The following RSRC1 variants were observed in gnomAD, a reference collection of about 807,000 sequenced individuals.
RSRC1 encodes serine/Arginine-related protein 53.
In RSRC1, 39 loss-of-function variants were observed where a neutral mutation model predicts 49.1. The ratio of observed to expected loss-of-function variants is 0.79; its 90% confidence interval spans 0.61 to 1.04. RSRC1 has a LOEUF of 1.04. Among genes scored for constraint, RSRC1 ranks in the 50% least tolerant of loss-of-function variants. RSRC1 has a pLI of 0.00. For synonymous variants in RSRC1, 143 were observed against 130.8 expected, an observed-to-expected ratio of 1.09 and a Z score of -0.63; for missense variants, 388 against 402.4, an observed-to-expected ratio of 0.96 and a Z score of 0.31.
intron 5 of RSRC1, among the ~76,000 whole-genome samples, chr3:158,324,859 G>C (rs1034110739): frequency 6.6e-6 from 1 of 152,160 alleles, no homozygotes. Flanking sequence ...CAGTGTAAAA[G>C]TGTTCCTATT....
At chr3:158,343,115 G>A (rs1323672546) in intron 5 of RSRC1, among the ~76,000 whole-genome samples, 1 of 152,178 alleles carries the variant, frequency 6.6e-6, no homozygotes. Context: ...TGAAGCTTGG[G>A]AAATAGCCAC....
intron 4 of RSRC1, among the ~76,000 whole-genome samples, chr3:158,239,113 C>T (rs997206460): frequency 6.6e-6 from 1 of 152,104 alleles, no homozygotes; most frequent in African/African-American, 2.4e-5. Flanking sequence ...TGAAAAAATG[C>T]TCATCATCAC....
intron 6 of RSRC1, among the ~76,000 whole-genome samples, chr3:158,434,879 TC>T (rs1398058412): frequency 6.6e-6 from 1 of 151,918 alleles, no homozygotes; most frequent in Non-Finnish European, 1.5e-5. Context: ...ATTATGCTCT[TC>T]CAGTTGTAAA....
At chr3:158,374,659 T>G (rs1283250016) in intron 6 of RSRC1, among the ~76,000 whole-genome samples, 4 of 152,224 alleles carry the variant, frequency 2.6e-5, no homozygotes, top group African/African-American at 9.6e-5. Context: ...CATCAAATGC[T>G]ATCTGATTTA....
chr3:158,171,493 C>T (rs1559928184), intron 3 of RSRC1, among the ~76,000 whole-genome samples: 2 of 152,018 alleles, frequency 1.3e-5, no homozygotes, highest in African/African-American at 2.4e-5. Context: ...AAGGTAAGCC[C>T]TTCTGAAATG....
At chr3:158,306,170 A>T (rs1430248504) in intron 5 of RSRC1, among the ~76,000 whole-genome samples, 1 of 151,984 alleles carries the variant, frequency 6.6e-6, no homozygotes, top group African/African-American at 2.4e-5. Context: ...TGATGTGTAA[A>T]AAAAATGATT....
At chr3:158,117,353 G>A (rs1348212639) in intron 1 of RSRC1, among the ~76,000 whole-genome samples, 1 of 152,210 alleles carries the variant, frequency 6.6e-6, no homozygotes, top group East Asian at 1.9e-4. Context: ...CTAGAGTGCA[G>A]TAGGGTGATT....
At chr3:158,497,441 A>ATT (rs537452822) in intron 7 of RSRC1, among the ~76,000 whole-genome samples, 139 of 118,620 alleles carry the variant, frequency 1.2e-3, no homozygotes, top group African/African-American at 3.2e-3. Flanking sequence ...CCATTGTATC[A>ATT]TTTTTTTTTT....
At chr3:158,356,656 A>G (rs1411868339) in intron 6 of RSRC1, among the ~76,000 whole-genome samples, 1 of 152,228 alleles carries the variant, frequency 6.6e-6, no homozygotes, top group African/African-American at 2.4e-5. Flanking sequence ...ATTTGATTCT[A>G]TATCATTTAC....
In RSRC1 at chr3:158,294,714, AAAAT is replaced by A. The variant is rs374598330; in HGVS notation, c.495-3314_495-3311del. ...TCCCACACCCTCAAAAACAGTAAAA[AAAAT>A]AAATAAATAACCACCCACACCCTAC... is the stretch of plus-strand genomic sequence containing the variant. On this transcript the variant is annotated intron_variant, in intron 4 of 9. Transcript: ENST00000611884. 8.9e-4 allele frequency among the ~76,000 whole-genome samples: 136 copies of A among 152,238 alleles called. 2 individuals are homozygous for A. The East Asian group carries it at 0.019, about 21-fold the overall frequency.
rs1473495344 is a variant in RSRC1 at position 158,537,085 on chromosome 3, T to C, written c.653-7T>C. The stretch of plus-strand genomic sequence containing the variant: ...AAAATACGCTGACATTATACCCTCT[T>C]TTTCAGACCAAGCCACCCTGGTAGA... On this transcript the variant is annotated splice_polypyrimidine_tract_variant and splice_region_variant and intron_variant, in intron 7 of 9. Transcript: ENST00000611884. 6.2e-7 allele frequency: 1 copy of C among 1,602,910 alleles called. No homozygotes were observed.
intron 7 of RSRC1, among the ~76,000 whole-genome samples, chr3:158,470,842 C>T (rs1322164483): frequency 6.6e-6 from 1 of 152,148 alleles, no homozygotes; most frequent in Admixed American, 6.6e-5. Flanking sequence ...TATTCTCTGT[C>T]ATTCCCTATT....
Position 158,401,969 on chromosome 3 carries a change from C to G in RSRC1, c.583+47061C>G, listed in dbSNP as rs370210515. On this transcript the variant is annotated intron_variant, in intron 6 of 9. Coordinates refer to ENST00000611884, the MANE Select transcript of RSRC1 (RefSeq NM_001271838.2). ...TTCCCATTTGAAGACACTCAGTATA[C>G]TAAGTGTTATAGTACAATTTTATGC... 2.6e-5 allele frequency among the ~76,000 whole-genome samples: 4 copies of G among 151,888 alleles called. No homozygotes were observed. The South Asian group carries it at 8.3e-4, about 32-fold the overall frequency.
chr3:158,290,899 A>G (rs1578296841), intron 4 of RSRC1, among the ~76,000 whole-genome samples: 1 of 152,338 alleles, frequency 6.6e-6, no homozygotes, highest in African/African-American at 2.4e-5. Context: ...AATCTACTGT[A>G]CATTTTTATT....
At chr3:158,492,758 C>A (rs2108449173) in intron 7 of RSRC1, among the ~76,000 whole-genome samples, 1 of 152,312 alleles carries the variant, frequency 6.6e-6, no homozygotes, top group Non-Finnish European at 1.5e-5. Context: ...AAGGAATCGT[C>A]AAGATCATAA....
At chr3:158,508,741 C>T (rs994907317) in intron 7 of RSRC1, among the ~76,000 whole-genome samples, 30 of 152,198 alleles carry the variant, frequency 2.0e-4, no homozygotes, top group African/African-American at 6.0e-4. Context: ...TTAGTCACTT[C>T]GTTGCCATCT....
chr3:158,418,395 A>T (rs1734862575), intron 6 of RSRC1, among the ~76,000 whole-genome samples: 2 of 151,940 alleles, frequency 1.3e-5, no homozygotes, highest in Admixed American at 1.3e-4. Context: ...TTACAATAAT[A>T]CTTATTTATA....
chr3:158,505,205 C>T (rs1414856661), intron 7 of RSRC1, among the ~76,000 whole-genome samples: 2 of 152,136 alleles, frequency 1.3e-5, no homozygotes, highest in African/African-American at 4.8e-5. Flanking sequence ...TTATTTATGA[C>T]TTTCATAGGT....
At chr3:158,363,568 G>A (rs564963981) in intron 6 of RSRC1, among the ~76,000 whole-genome samples, 41 of 152,116 alleles carry the variant, frequency 2.7e-4, no homozygotes, top group African/African-American at 9.6e-4. Context: ...CCCAGCCCTC[G>A]AGCTACTTCT....
Sources: gnomAD v4.1 joint callset for allele counts (sites outside exome capture counted in the v4.1 genomes callset) on GRCh38, gnomAD v4.1.1 for gene constraint, MANE v1.5 for transcripts, NCBI Gene and HGNC (gene_info 2026-07-23, HGNC 2026-07-21) for gene names.